PDZD2: variants seen among roughly 807,000 people sequenced by gnomAD.
The protein encoded by PDZD2 is PDZ domain containing 2.
A neutral mutation model predicts 220.7 loss-of-function variants in PDZD2; 90 were observed. That is an observed-to-expected ratio of 0.41 (90% CI 0.34 to 0.49). PDZD2 has a LOEUF of 0.49. PDZD2 is among the 20% of genes least tolerant of loss of function. The pLI is 0.28. For synonymous variants in PDZD2, 1,375 were observed against 1,450.5 expected, an observed-to-expected ratio of 0.95 and a Z score of 1.18; for missense variants, 3,174 against 3,608.5, an observed-to-expected ratio of 0.88 and a Z score of 3.08.
At chr5:31,948,677 A>G (rs1174410979) in intron 2 of PDZD2, among the ~76,000 whole-genome samples, 1 of 152,220 alleles carries the variant, frequency 6.6e-6, no homozygotes, top group Non-Finnish European at 1.5e-5. Context: ...GGAGTATGTG[A>G]TTTAATGATA....
At chr5:32,092,829 T>C (rs1581479463) in intron 20 of PDZD2, 78 bp from the exon 21 acceptor site, 3 of 689,256 alleles carry the variant, frequency 4.4e-6, no homozygotes, top group East Asian at 5.7e-5. Flanking sequence ...AGAAAGGAGA[T>C]CATTTTAAAT....
intron 2 of PDZD2, among the ~76,000 whole-genome samples, chr5:31,905,065 T>C (rs1298771935): frequency 6.6e-6 from 1 of 151,926 alleles, no homozygotes; most frequent in East Asian, 1.9e-4. Flanking sequence ...GTCTCCTGGG[T>C]TCAAGCAATT....
At chr5:31,979,008 A>G (rs1750037792) in intron 2 of PDZD2, among the ~76,000 whole-genome samples, 1 of 152,178 alleles carries the variant, frequency 6.6e-6, no homozygotes, top group South Asian at 2.1e-4. Flanking sequence ...ATACTGTCTC[A>G]GTCACAGGCA....
intron 3 of PDZD2, among the ~76,000 whole-genome samples, chr5:31,985,721 G>C (rs888406492): frequency 6.6e-6 from 1 of 151,894 alleles, no homozygotes; most frequent in African/African-American, 2.4e-5. Context: ...ACTTTTAAGA[G>C]ATTACTCATC....
chr5:31,826,690 G>T (rs1246517760), intron 2 of PDZD2, among the ~76,000 whole-genome samples: 1 of 150,342 alleles, frequency 6.7e-6, no homozygotes, highest in Non-Finnish European at 1.5e-5. Flanking sequence ...AAAAAAAAAA[G>T]ATATATGAAA....
rs368887945 is a variant in PDZD2 at position 31,983,211 on chromosome 5, G to A, written c.533G>A (p.Arg178His). ...TTTATCTACCTGATCATGCTGCGTC[G>A]CTTTAAGCACAAAGCCCACTCCACT... is the stretch of plus-strand genomic sequence containing the variant. ...GGFIYLIMLRRFKHKAHSTYN... is the reference protein window; with the variant it reads ...GGFIYLIMLRHFKHKAHSTYN... The change falls in exon 3 of 25, where the codon CGC (arginine) becomes CAC (histidine). Residue 178 changes from arginine (R) to histidine (H), a missense_variant. By Grantham distance (29) the Arg-to-His change is conservative. This residue lies in a region of PDZD2 where 632 missense variants were observed against 708.1 expected (regional missense o/e 0.89). Coordinates refer to ENST00000438447, the MANE Select transcript of PDZD2 (RefSeq NM_178140.4). 8 of 1,613,956 alleles carry A rather than the reference G, an allele frequency of 5.0e-6. No individual in the cohort carries two copies. The highest frequency in any genetic ancestry group is 1.3e-5 in the African/African-American group (1 of 74,888).
chr5:32,076,317 C>T (rs1405712775), intron 18 of PDZD2, among the ~76,000 whole-genome samples: 2 of 143,378 alleles, frequency 1.4e-5, no homozygotes, highest in African/African-American at 5.1e-5. Context: ...AAACAAATCA[C>T]AAGTTTTGGA....
intron 2 of PDZD2, among the ~76,000 whole-genome samples, chr5:31,869,357 C>CT (rs1409000237): frequency 2.7e-4 from 41 of 152,166 alleles, no homozygotes; most frequent in East Asian, 5.8e-4. Flanking sequence ...CAGTCCATCT[C>CT]TTTTTTTCTG....
At chr5:31,970,932 A>T (rs1749243691) in intron 2 of PDZD2, among the ~76,000 whole-genome samples, 1 of 152,162 alleles carries the variant, frequency 6.6e-6, no homozygotes, top group Admixed American at 6.5e-5. Flanking sequence ...CCATTCAGAT[A>T]TCCAGCTGCC....
chr5:31,856,012 A>G (rs1170163071), intron 2 of PDZD2, among the ~76,000 whole-genome samples: 1 of 152,242 alleles, frequency 6.6e-6, no homozygotes, highest in African/African-American at 2.4e-5. Context: ...AATGCTTTTC[A>G]TAGAAATAGG....
intron 2 of PDZD2, among the ~76,000 whole-genome samples, chr5:31,828,668 T>C (rs571200409): frequency 9.8e-5 from 15 of 152,304 alleles, no homozygotes; most frequent in African/African-American, 3.4e-4. Context: ...GCTAATTTTG[T>C]AAAAAATTTT....
chr5:31,861,273 A>G (rs1194722645), intron 2 of PDZD2, among the ~76,000 whole-genome samples: 1 of 152,130 alleles, frequency 6.6e-6, no homozygotes, highest in African/African-American at 2.4e-5. Context: ...TGAGATGATT[A>G]ATTTTCTCCC....
At chr5:31,967,677 A>G (rs1168298860) in intron 2 of PDZD2, among the ~76,000 whole-genome samples, 2 of 152,220 alleles carry the variant, frequency 1.3e-5, no homozygotes, top group African/African-American at 4.8e-5. Flanking sequence ...TGCTATGTGT[A>G]GGAAAGCACA....
At chr5:31,822,377 C>T (rs1755938923) in intron 2 of PDZD2, among the ~76,000 whole-genome samples, 1 of 149,058 alleles carries the variant, frequency 6.7e-6, no homozygotes, top group African/African-American at 2.5e-5. Flanking sequence ...CTCAAGTGAT[C>T]CTCCCACCTC....
At chr5:31,884,986 A>G (rs1169154385) in intron 2 of PDZD2, among the ~76,000 whole-genome samples, 1 of 152,084 alleles carries the variant, frequency 6.6e-6, no homozygotes, top group Non-Finnish European at 1.5e-5. Flanking sequence ...TGTTTGTGGG[A>G]CGATGCCATA....
At chr5:31,950,063 G>A (rs573471631) in intron 2 of PDZD2, among the ~76,000 whole-genome samples, 11 of 152,184 alleles carry the variant, frequency 7.2e-5, no homozygotes, top group South Asian at 2.1e-4. Context: ...TACCTCCTCC[G>A]GTGATGTGGA....
chr5:32,042,279 T>C (rs1346197748), intron 7 of PDZD2, among the ~76,000 whole-genome samples: 2 of 141,496 alleles, frequency 1.4e-5, no homozygotes, highest in Admixed American at 1.4e-4. Flanking sequence ...AAAAAACATC[T>C]GGCCGGGCAT....
chr5:32,019,171 T>C (rs1754002884), intron 6 of PDZD2, among the ~76,000 whole-genome samples: 1 of 137,678 alleles, frequency 7.3e-6, no homozygotes, highest in African/African-American at 2.7e-5. Flanking sequence ...AGACAGGGTC[T>C]CACTCTGTTG....
intron 2 of PDZD2, among the ~76,000 whole-genome samples, chr5:31,835,478 G>T (rs554951941): frequency 6.6e-6 from 1 of 152,148 alleles, no homozygotes; most frequent in Non-Finnish European, 1.5e-5. Context: ...TTAGCCAGGC[G>T]TGGTGGCGGA....
Sources: allele counts gnomAD v4.1 joint callset (sites outside exome capture counted in the v4.1 genomes callset), GRCh38; gene constraint gnomAD v4.1.1; regional missense constraint gnomAD v4.1.1; transcripts MANE v1.5; gene names NCBI Gene and HGNC (gene_info 2026-07-23, HGNC 2026-07-21).